Variants in PHACTR4 observed in about 807,000 individuals in gnomAD.
PHACTR4 encodes the protein phosphatase and actin regulator 4, also known as protein phosphatase 1, regulatory subunit 124.
PHACTR4 carries 51 observed loss-of-function variants against 72.7 expected under a neutral mutation model. The ratio of observed to expected loss-of-function variants is 0.70; its 90% CI spans 0.56 to 0.89. The LOEUF is 0.89. Among genes scored for constraint, PHACTR4 ranks in the 40% least tolerant of loss-of-function variants. PHACTR4 has a pLI of 0.00. For missense variants in PHACTR4, 731 were observed against 861.8 expected (o/e 0.85, Z 1.90); for synonymous variants, 255 against 302.5 (o/e 0.84, Z 1.63).
At position 28,480,574 on chromosome 1, in the gene PHACTR4, T is replaced by C; in HGVS notation, c.1730T>C (p.Ile577Thr). Residue 577 changes from isoleucine (I) to threonine (T), a missense_variant, in exon 9 of 14, where the codon ATA becomes ACA. Physicochemically the swap from Ile to Thr is moderately conservative, Grantham distance 89 (BLOSUM62 -1). Transcript: ENST00000373839. ...PCKSKEEWNE[I>T]RHQIGNTLIR... ...AAAAGCAAGGAGGAGTGGAATGAAA[T>C]ACGGCACCAGATTGGAAACACACTG... 1 of 1,614,180 alleles carries C rather than the reference T, an allele frequency of 6.2e-7. No homozygotes were observed. The highest frequency in any genetic ancestry group is 8.5e-7 in the Non-Finnish European group (1 of 1,180,034).
intron 8 of PHACTR4, among the ~76,000 whole-genome samples, chr1:28,478,994 C>A (rs1660097550): frequency 6.6e-6 from 1 of 152,022 alleles, no homozygotes; most frequent in African/African-American, 2.4e-5. Flanking sequence ...TTTTGTTTGC[C>A]CCCAATTTTA....
At chr1:28,417,566 T>A (rs1655182496) in intron 2 of PHACTR4, among the ~76,000 whole-genome samples, 1 of 152,122 alleles carries the variant, frequency 6.6e-6, no homozygotes, top group East Asian at 1.9e-4. Context: ...GATTCACCCC[T>A]GGGCAGGACA....
chr1:28,489,162 AT>A lies in PHACTR4; in HGVS notation c.1761-3del. On this transcript the variant is annotated splice_polypyrimidine_tract_variant and splice_region_variant and intron_variant, in intron 9 of 13. Coordinates refer to ENST00000373839, the MANE Select transcript of PHACTR4 (RefSeq NM_001048183.3). ...CATAAACATTACCTTTATTTATCTC[AT>A]TTTTAGGCGACTGAGTCAAAGACCA... The A allele has an allele frequency of 6.2e-7, 1 of 1,610,530 alleles. No homozygotes were observed. Among genetic ancestry groups the A allele is most frequent in the Non-Finnish European group, 8.5e-7 (1 of 1,177,986 alleles).
At chr1:28,390,828 G>T (rs1569791996) in intron 1 of PHACTR4, among the ~76,000 whole-genome samples, 2 of 151,886 alleles carry the variant, frequency 1.3e-5, no homozygotes, top group South Asian at 4.2e-4. Context: ...GGCGCAGGTG[G>T]TTCAAGCCTG....
intron 1 of PHACTR4, among the ~76,000 whole-genome samples, chr1:28,372,048 A>ATT (rs761764882): frequency 5.1e-5 from 7 of 137,302 alleles, no homozygotes; most frequent in Admixed American, 1.5e-4. Context: ...CTCCCGGCTA[A>ATT]TTTTTTTTTT....
chr1:28,454,315 C>T lies in PHACTR4; in HGVS notation c.17-4770C>T, dbSNP rs1329561838. ...TTTTTGAGACGGAGTCTCGCTCTGT[C>T]GCCCAGGCTGGAGTACAGTGGCGTG... is the stretch of plus-strand genomic sequence containing the variant. On this transcript the variant is annotated intron_variant, in intron 2 of 13. Coordinates refer to ENST00000373839, the MANE Select transcript of PHACTR4 (RefSeq NM_001048183.3). Among the ~76,000 whole-genome samples, 11 of 121,460 alleles carry T rather than the reference C, an allele frequency of 9.1e-5. 1 individual carries two copies. The highest frequency in any genetic ancestry group is 7.8e-4 in the Admixed American group (7 of 9,002). 79.7% of individuals were successfully genotyped at this position (121,460 alleles called of 152,430 possible). A position where few individuals can be genotyped will look rare whatever the true frequency, so the allele number is the denominator to read the frequency against.
chr1:28,404,439 C>T (rs1421211906), intron 1 of PHACTR4, among the ~76,000 whole-genome samples: 6 of 151,248 alleles, frequency 4.0e-5, no homozygotes, highest in African/African-American at 1.2e-4. Flanking sequence ...CCTGCCACCA[C>T]GCCCAGCTAA....
At chr1:28,476,769 G>GTTGTTTTTTTTTTTTT (rs1557841813) in intron 8 of PHACTR4, among the ~76,000 whole-genome samples, 1 of 80,224 alleles carries the variant, frequency 1.2e-5, no homozygotes, top group Non-Finnish European at 2.5e-5. Flanking sequence ...TGCCTAGCCT[G>GTTGTTTTTTTTTTTTT]TTCTTTTTTT....
chr1:28,466,466 C>T lies in PHACTR4; in HGVS notation c.521C>T (p.Pro174Leu), dbSNP rs1407392913. 1.9e-6 allele frequency: 3 copies of T among 1,614,088 alleles called. No homozygotes were observed. Among genetic ancestry groups the T allele is most frequent in the Non-Finnish European group, 1.7e-6 (2 of 1,180,024 alleles). Residue 174 changes from proline to leucine, a missense_variant, in exon 6 of 14, where the codon CCC (proline) becomes CTC (leucine). This residue lies in a region of PHACTR4 where 621 missense variants were observed against 676.6 expected (regional missense o/e 0.92). Transcript: ENST00000373839. The stretch of plus-strand genomic sequence containing the variant: ...CCACCTTTACTTCCTCCCAAAAGAC[C>T]CTTGTCCTCTTCTCATGAAGCAAGT... ...PKPPLLPPKR[P>L]LSSSHEASEG...
intron 4 of PHACTR4, among the ~76,000 whole-genome samples, chr1:28,464,213 G>A (rs897568980): frequency 6.6e-6 from 1 of 152,014 alleles, no homozygotes; most frequent in Non-Finnish European, 1.5e-5. Flanking sequence ...TGATCCACCC[G>A]CCTCGGCCTC....
intron 1 of PHACTR4, among the ~76,000 whole-genome samples, chr1:28,405,323 A>G (rs1395277303): frequency 6.6e-6 from 1 of 151,670 alleles, no homozygotes; most frequent in Non-Finnish European, 1.5e-5. Context: ...CAAAACTTTA[A>G]ATTTTTTTCT....
intron 2 of PHACTR4, among the ~76,000 whole-genome samples, chr1:28,409,156 A>G (rs1654586203): frequency 7.1e-6 from 1 of 140,684 alleles, no homozygotes. Flanking sequence ...ACTGGATATC[A>G]CTGTGTTGCC....
chr1:28,380,118 G>A (rs1412293584), intron 1 of PHACTR4, among the ~76,000 whole-genome samples: 4 of 135,822 alleles, frequency 2.9e-5, no homozygotes, highest in Admixed American at 7.6e-5. Context: ...GTGCAGTGGC[G>A]CGATCTCGGC....
At chr1:28,478,615 T>A (rs1401741159) in intron 8 of PHACTR4, among the ~76,000 whole-genome samples, 1 of 152,044 alleles carries the variant, frequency 6.6e-6, no homozygotes, top group Non-Finnish European at 1.5e-5. Context: ...TTTTTGTTTT[T>A]GTTTTTGTTT....
At chr1:28,380,592 A>G (rs1440196894) in intron 1 of PHACTR4, among the ~76,000 whole-genome samples, 1 of 151,976 alleles carries the variant, frequency 6.6e-6, no homozygotes, top group Non-Finnish European at 1.5e-5. Context: ...GGAACATGTG[A>G]TATTTGTTTT....
rs754987285 is a variant in PHACTR4, at chr1:28,407,435, G to A, written c.-13G>A. ...AAACAGTATCTCACCTCCCTAAACT[G>A]GTTAATAGTGGCATGGAAGATCCAT... On this transcript the variant is annotated 5_prime_UTR_variant, in exon 2 of 14. Transcript: ENST00000373839. The A allele has an allele frequency of 6.2e-7, 1 of 1,604,034 alleles. No homozygotes were observed. Among genetic ancestry groups the A allele is most frequent in the Non-Finnish European group, 8.5e-7 (1 of 1,172,188 alleles).
chr1:28,443,951 T>G (rs191653959), intron 2 of PHACTR4, among the ~76,000 whole-genome samples: 97 of 152,254 alleles, frequency 6.4e-4, no homozygotes, highest in African/African-American at 2.2e-3. Flanking sequence ...AGTAATGGTA[T>G]TGCTGGATCA....
intron 2 of PHACTR4, among the ~76,000 whole-genome samples, chr1:28,451,511 A>G (rs1657971436): frequency 6.6e-6 from 1 of 150,960 alleles, no homozygotes; most frequent in African/African-American, 2.4e-5. Context: ...GACTCAAGCA[A>G]TCTTCCTGCC....
At chr1:28,457,846 C>A in intron 2 of PHACTR4, 2 of 984,854 alleles carry the variant, frequency 2.0e-6, no homozygotes, top group Non-Finnish European at 2.4e-6. Flanking sequence ...CTCCAGAGAA[C>A]CTTGGAACAG....
Sources: allele counts gnomAD v4.1 joint callset (sites outside exome capture counted in the v4.1 genomes callset), GRCh38; gene constraint gnomAD v4.1.1; regional missense constraint gnomAD v4.1.1; transcripts MANE v1.5; gene names NCBI Gene and HGNC (gene_info 2026-07-23, HGNC 2026-07-21).